RCOR3: variants seen among roughly 807,000 people sequenced by gnomAD.
RCOR3 encodes the protein REST corepressor 3.
In RCOR3, 13 loss-of-function variants were observed where a neutral mutation model predicts 64.1. That is an observed-to-expected ratio of 0.20 (90% CI 0.13 to 0.32). The LOEUF (loss-of-function observed/expected upper bound fraction) is 0.32. Among genes scored for constraint, RCOR3 ranks in the 10% least tolerant of loss-of-function variants. The pLI, the probability that RCOR3 is intolerant of heterozygous loss-of-function variation, is 1.00. For missense variants in RCOR3, 489 were observed against 701.2 expected, an observed-to-expected ratio of 0.70 and a Z score of 3.42; for synonymous variants, 215 against 239.0, an observed-to-expected ratio of 0.90 and a Z score of 0.93.
intron 10 of RCOR3, among the ~76,000 whole-genome samples, chr1:211,308,698 T>TTTTTTTTTTTGTG (rs1701171863): frequency 2.4e-5 from 1 of 40,874 alleles, no homozygotes; most frequent in African/African-American, 6.9e-5. Flanking sequence ...TTTTTTTTTT[T>TTTTTTTTTTTGTG]TGTGTAGTCC....
Position 211,259,716 on chromosome 1 carries a change from C to A in RCOR3, c.156C>A (p.Asp52Glu). 1 of 1,512,188 alleles carries A rather than the reference C, an allele frequency of 6.6e-7. No homozygotes were observed. Among genetic ancestry groups the A allele is most frequent in the Non-Finnish European group, 8.9e-7 (1 of 1,129,242 alleles). 93.7% of individuals were successfully genotyped at this position (1,512,188 alleles called of 1,614,324 possible). A position where few individuals can be genotyped will look rare whatever the true frequency, so the allele number is the denominator to read the frequency against. The change falls in exon 1 of 12, where the codon GAC (aspartate) becomes GAA (glutamate). Residue 52 changes from aspartate to glutamate, a missense_variant. By Grantham distance (45) the Asp-to-Glu change is conservative. This residue lies in a region of RCOR3 where 87 missense variants were observed against 84.3 expected (regional missense o/e 1.03). Transcript: ENST00000419091. ...AGCCCGAGAGCGGCTGCAGCAGCGA[C>A]GACGAGCACGGTGGTAGCCTCGAAC... ...YSEPESGCSS[D>E]DEHDVGMRVG...
Position 211,278,104 on chromosome 1 carries a change from G to A in RCOR3, c.517-13G>A. 6.3e-7 allele frequency: 1 copy of A among 1,584,164 alleles called. No individual in the cohort carries two copies. Among genetic ancestry groups the A allele is most frequent in the Non-Finnish European group, 8.6e-7 (1 of 1,165,152 alleles). On this transcript the variant is annotated splice_polypyrimidine_tract_variant and intron_variant, in intron 5 of 11. Coordinates refer to ENST00000419091, the MANE Select transcript of RCOR3 (RefSeq NM_001136223.3). ...GAATTAAACTTGCTGATATTAACATGATTTTTTTTAAGCTTCCAGATAAGA... is the reference window on the plus strand; with the variant it reads ...GAATTAAACTTGCTGATATTAACATAATTTTTTTTAAGCTTCCAGATAAGA...
Position 211,278,113 on chromosome 1 carries a change from T to A in RCOR3, c.517-4T>A. 1.3e-6 allele frequency: 2 copies of A among 1,587,682 alleles called. No homozygotes were observed. The highest frequency in any genetic ancestry group is 1.7e-6 in the Non-Finnish European group (2 of 1,169,358). ...TTGCTGATATTAACATGATTTTTTT[T>A]AAGCTTCCAGATAAGACAATTGCAA... is the stretch of plus-strand genomic sequence containing the variant. On this transcript the variant is annotated splice_polypyrimidine_tract_variant and splice_region_variant and intron_variant, in intron 5 of 11. Transcript: ENST00000419091.
chr1:211,293,539 C>G (rs1558089880), intron 8 of RCOR3, among the ~76,000 whole-genome samples: 1 of 152,208 alleles, frequency 6.6e-6, no homozygotes, highest in East Asian at 1.9e-4. Flanking sequence ...CTTTGGAACA[C>G]TTTCCCTAAT....
At chr1:211,283,580 A>C (rs1410714286) in intron 7 of RCOR3, among the ~76,000 whole-genome samples, 1 of 152,190 alleles carries the variant, frequency 6.6e-6, no homozygotes, top group East Asian at 1.9e-4. Context: ...TCATCAGGTA[A>C]CTACTGAGGC....
At chr1:211,280,132 T>C (rs571451080) in intron 7 of RCOR3, among the ~76,000 whole-genome samples, 12 of 152,370 alleles carry the variant, frequency 7.9e-5, no homozygotes, top group Admixed American at 7.8e-4. Context: ...AAATCTTGGA[T>C]ACAAGTTGCT....
At chr1:211,261,127 T>C (rs1323664868) in intron 2 of RCOR3, 1 of 152,212 alleles carries the variant, frequency 6.6e-6, no homozygotes, top group Non-Finnish European at 1.5e-5. Flanking sequence ...TTTGTCAATT[T>C]TTGCCCAGTG....
intron 4 of RCOR3, among the ~76,000 whole-genome samples, chr1:211,275,167 T>C (rs1696797131): frequency 6.6e-6 from 1 of 151,894 alleles, no homozygotes; most frequent in South Asian, 2.1e-4. Flanking sequence ...ATTTCAACCT[T>C]TATCAGAATT....
At chr1:211,293,093 A>ATAAATAAATAAT (rs1256934706) in intron 8 of RCOR3, among the ~76,000 whole-genome samples, 1 of 139,952 alleles carries the variant, frequency 7.1e-6, no homozygotes, top group Admixed American at 7.1e-5. Flanking sequence ...CCAAAAATAA[A>ATAAATAAATAAT]TAAATAAATA....
chr1:211,295,581 G>C (rs899874990), intron 8 of RCOR3, 95 bp from the exon 9 acceptor site: 12 of 993,036 alleles, frequency 1.2e-5, no homozygotes, highest in Non-Finnish European at 1.9e-5. Flanking sequence ...TAAAATTTAA[G>C]AGGGGTTTGG....
At chr1:211,302,013 A>T (rs1205121838) in intron 9 of RCOR3, 1 of 152,198 alleles carries the variant, frequency 6.6e-6, no homozygotes, top group East Asian at 1.9e-4. Flanking sequence ...AACCTACAAC[A>T]TAGTTACTGC....
rs1226315274 is a variant in RCOR3, at chr1:211,315,493, AT to A, written c.*1728del. The stretch of plus-strand genomic sequence containing the variant: ...TAGTTCTTGGCCCTGAATTTAGCTG[AT>A]TTAAAATTCTTAATATTCAAGAATT... On this transcript the variant is annotated 3_prime_UTR_variant, in exon 12 of 12. Transcript: ENST00000419091. The A allele has an allele frequency of 2.6e-5, 4 of 152,190 alleles. No individual in the cohort carries two copies. The highest frequency in any genetic ancestry group is 5.9e-5 in the Non-Finnish European group (4 of 68,020). 9.4% of individuals were successfully genotyped at this position (152,190 alleles called of 1,614,324 possible).
chr1:211,313,926 T>C lies in RCOR3; in HGVS notation c.*158T>C. On this transcript the variant is annotated 3_prime_UTR_variant, in exon 12 of 12. Coordinates refer to ENST00000419091, the MANE Select transcript of RCOR3 (RefSeq NM_001136223.3). The surrounding 1 kb of genome is among the most constrained non-coding windows in gnomAD (Gnocchi z 4.7). Reference sequence around the variant, plus strand: ...TAGCATAAGTGGATGTCTAAGAAATTTTTCAGTTCACTAGACTAAAATGTT... The same window carrying C: ...TAGCATAAGTGGATGTCTAAGAAATCTTTCAGTTCACTAGACTAAAATGTT... 1.4e-6 allele frequency: 1 copy of C among 708,210 alleles called. No individual in the cohort carries two copies. Among genetic ancestry groups the C allele is most frequent in the Non-Finnish European group, 2.3e-6 (1 of 438,166 alleles). 43.9% of individuals were successfully genotyped at this position (708,210 alleles called of 1,614,324 possible).
chr1:211,282,444 T>G (rs1160150498), intron 7 of RCOR3, among the ~76,000 whole-genome samples: 2 of 151,942 alleles, frequency 1.3e-5, no homozygotes, highest in Non-Finnish European at 2.9e-5. Flanking sequence ...TACCAGTGTA[T>G]CTACCACTGA....
At chr1:211,272,832 A>G (rs1040322772) in intron 3 of RCOR3, among the ~76,000 whole-genome samples, 6 of 151,248 alleles carry the variant, frequency 4.0e-5, no homozygotes, top group South Asian at 2.1e-4. Flanking sequence ...CGTTTTAGCC[A>G]GGATGGTCTC....
intron 9 of RCOR3, chr1:211,302,891 T>C (rs996080192): frequency 1.3e-5 from 2 of 152,238 alleles, no homozygotes; most frequent in African/African-American, 4.8e-5. Context: ...TTACTTCCCT[T>C]TTGGGGGAAC....
chr1:211,289,076 T>A, intron 7 of RCOR3, 102 bp from the exon 8 acceptor site: 1 of 840,232 alleles, frequency 1.2e-6, no homozygotes, highest in Non-Finnish European at 2.0e-6. Flanking sequence ...TGTTTTTTTA[T>A]GTGTACTTAT....
chr1:211,303,405 C>T (rs1309533781), intron 9 of RCOR3: 1 of 152,210 alleles, frequency 6.6e-6, no homozygotes, highest in African/African-American at 2.4e-5. Flanking sequence ...CCCAACATGC[C>T]TCGGTATTAC....
rs1018766053 is a variant in RCOR3, at chr1:211,313,864, G to C, written c.*96G>C. 8.5e-7 allele frequency: 1 copy of C among 1,170,722 alleles called. No homozygotes were observed. The highest frequency in any genetic ancestry group is 2.3e-4 in the Middle Eastern group (1 of 4,308). 72.5% of individuals were successfully genotyped at this position (1,170,722 alleles called of 1,614,324 possible). A position where few individuals can be genotyped will look rare whatever the true frequency, so the allele number is the denominator to read the frequency against. ...AAAGAGGAAAGAATAATCATTTCTA[G>C]ATACTGAGGCTGCGAACTAGTTCTG... On this transcript the variant is annotated 3_prime_UTR_variant, in exon 12 of 12. Transcript: ENST00000419091. The surrounding 1 kb of genome is among the most constrained non-coding windows in gnomAD (Gnocchi z 4.7).
Sources: gnomAD v4.1 joint callset for allele counts (sites outside exome capture counted in the v4.1 genomes callset) on GRCh38, gnomAD v4.1.1 for gene constraint, gnomAD v4.1.1 regional missense constraint, Gnocchi (gnomAD v3.1) non-coding constraint, MANE v1.5 for transcripts, NCBI Gene and HGNC (gene_info 2026-07-23, HGNC 2026-07-21) for gene names.